SPRR2G: variants seen among roughly 807,000 people sequenced by gnomAD.
SPRR2G encodes small proline-rich protein 2G.
In SPRR2G, 1 loss-of-function variant was observed where a neutral mutation model predicts 0.7. The ratio of observed to expected loss-of-function variants is 1.49; its 90% CI spans 0.53 to 7.06. SPRR2G has a LOEUF of 7.06. Among genes scored for constraint, SPRR2G ranks in the 30% most tolerant of loss-of-function variants. The pLI is 0.14. For missense variants in SPRR2G, 96 were observed against 88.5 expected, an observed-to-expected ratio of 1.09 and a Z score of -0.34; for synonymous variants, 38 against 33.9, an observed-to-expected ratio of 1.12 and a Z score of -0.42.
the SPRR2G span, among the ~76,000 whole-genome samples, chr1:153,197,039 C>T: frequency 7.2e-5 from 11 of 152,246 alleles, no homozygotes; most frequent in Middle Eastern, 3.4e-3. Flanking sequence ...CAGGATCCTT[C>T]CCTACCGTGC....
chr1:153,203,131 G>A, the SPRR2G span, among the ~76,000 whole-genome samples: 10 of 152,140 alleles, frequency 6.6e-5, no homozygotes, highest in Non-Finnish European at 1.2e-4. Flanking sequence ...TTTGAGGGTG[G>A]AAGAGGAGCT....
At chr1:153,158,181 A>AAAGTCC in the SPRR2G span, among the ~76,000 whole-genome samples, 1 of 152,308 alleles carries the variant, frequency 6.6e-6, no homozygotes, top group South Asian at 2.1e-4. Context: ...CATTAACTCA[A>AAAGTCC]AAGTCCAAGT....
chr1:153,149,844 C>G lies in SPRR2G; in HGVS notation c.*45G>C. 1 of 1,608,302 alleles carries G rather than the reference C, an allele frequency of 6.2e-7. No individual in the cohort carries two copies. The highest frequency in any genetic ancestry group is 8.5e-7 in the Non-Finnish European group (1 of 1,175,166). On this transcript the variant is annotated 3_prime_UTR_variant, in exon 2 of 2. Coordinates refer to ENST00000368748, the MANE Select transcript of SPRR2G (RefSeq NM_001014291.4). Reference sequence around the variant, plus strand: ...GATGGAGTCCTGGGAGTAAGAAGAGCCACTGGATCTTGTTGTTTCATGGTC... The same window carrying G: ...GATGGAGTCCTGGGAGTAAGAAGAGGCACTGGATCTTGTTGTTTCATGGTC...
upstream of SPRR2G, among the ~76,000 whole-genome samples, chr1:153,154,779 A>G (rs1401352449): frequency 6.6e-6 from 1 of 152,002 alleles, no homozygotes; most frequent in East Asian, 1.9e-4. Flanking sequence ...GGTTTGTCAA[A>G]TGAGTCATCT....
chr1:153,197,587 G>A, the SPRR2G span, among the ~76,000 whole-genome samples: 1 of 152,170 alleles, frequency 6.6e-6, no homozygotes, highest in African/African-American at 2.4e-5. Flanking sequence ...AAGATGCAAA[G>A]AATAATAAGA....
chr1:153,150,056 G>T lies in SPRR2G; in HGVS notation c.55C>A (p.Pro19Thr). Residue 19 changes from proline to threonine, a missense_variant, in exon 2 of 2, where the codon CCC (proline) becomes ACC (threonine). By Grantham distance (38) the Pro-to-Thr change is conservative. Coordinates refer to ENST00000368748, the MANE Select transcript of SPRR2G (RefSeq NM_001014291.4). ...CATGGCTCTGGGCACTTTGGCGTGG[G>T]GCACACAGGAGGTGGCTGGCAGGGC... ...KQPCQPPPVC[P>T]TPKCPEPCPP... 6.2e-7 allele frequency: 1 copy of T among 1,613,260 alleles called. No individual in the cohort carries two copies. The highest frequency in any genetic ancestry group is 8.5e-7 in the Non-Finnish European group (1 of 1,179,886).
the SPRR2G span, among the ~76,000 whole-genome samples, chr1:153,170,572 C>T: frequency 0.2 from 30,850 of 151,892 alleles, 4,720 homozygotes; most frequent in African/African-American, 0.43. Flanking sequence ...CAGAAGACTA[C>T]TGGGCAAGAG....
chr1:153,188,805 A>G, the SPRR2G span, among the ~76,000 whole-genome samples: 1 of 152,062 alleles, frequency 6.6e-6, no homozygotes, highest in Non-Finnish European at 1.5e-5. Context: ...CTCATGGTGT[A>G]GGCACACGAG....
chr1:153,155,681 C>T (rs1293193851), upstream of SPRR2G, among the ~76,000 whole-genome samples: 3 of 152,178 alleles, frequency 2.0e-5, no homozygotes, highest in Non-Finnish European at 4.4e-5. Flanking sequence ...TAGCCTCATT[C>T]CTTATTACTC....
chr1:153,165,826 C>A, the SPRR2G span, among the ~76,000 whole-genome samples: 1 of 152,168 alleles, frequency 6.6e-6, no homozygotes, highest in Non-Finnish European at 1.5e-5. Flanking sequence ...GTGTATAAAA[C>A]CTTCTTTGAA....
upstream of SPRR2G, among the ~76,000 whole-genome samples, chr1:153,154,576 C>T (rs1656543281): frequency 1.3e-5 from 2 of 152,144 alleles, no homozygotes; most frequent in South Asian, 2.1e-4. Flanking sequence ...ATGATTCAGT[C>T]TCAGTAGGTT....
intron 1 of SPRR2G, among the ~76,000 whole-genome samples, chr1:153,150,380 G>T (rs1571025335): frequency 6.6e-6 from 1 of 152,094 alleles, no homozygotes; most frequent in African/African-American, 2.4e-5. Context: ...AACAAATGTT[G>T]TCTGAATACA....
At chr1:153,193,432 A>G in the SPRR2G span, among the ~76,000 whole-genome samples, 1 of 152,162 alleles carries the variant, frequency 6.6e-6, no homozygotes, top group African/African-American at 2.4e-5. Flanking sequence ...CTGCCCTCAA[A>G]CATGTGCATG....
the SPRR2G span, among the ~76,000 whole-genome samples, chr1:153,181,531 C>A: frequency 6.6e-6 from 1 of 151,970 alleles, no homozygotes; most frequent in Non-Finnish European, 1.5e-5. Flanking sequence ...TATGTTTGTA[C>A]CCATTAACCA....
rs1412167957 is a variant in SPRR2G, at chr1:153,150,104, A to G, written c.7T>C (p.Tyr3His). MS[Y>H]QQQQCKQPCQ... ...GGCTGCTTGCACTGCTGCTGCTGGTAAGACATCTCTCCTCAGTCTCAGAGA... is the reference window on the plus strand; with the variant it reads ...GGCTGCTTGCACTGCTGCTGCTGGTGAGACATCTCTCCTCAGTCTCAGAGA... The change falls in exon 2 of 2, where the codon TAC becomes CAC. Residue 3 changes from tyrosine to histidine, a missense_variant. By Grantham distance (83) the Tyr-to-His change is moderately conservative (BLOSUM62 2). Transcript: ENST00000368748. 4 of 1,612,246 alleles carry G rather than the reference A, an allele frequency of 2.5e-6. No homozygotes were observed. In the Admixed American group the frequency reaches 6.7e-5, roughly 27 times the overall value.
At chr1:153,176,390 C>T in the SPRR2G span, 1 of 152,182 alleles carries the variant, frequency 6.6e-6, no homozygotes, top group Admixed American at 6.6e-5. Context: ...CCTACCCCCA[C>T]CTGTCCAAGG....
At chr1:153,161,611 C>T in the SPRR2G span, among the ~76,000 whole-genome samples, 71,689 of 151,838 alleles carry the variant, frequency 0.47, 17,948 homozygotes, top group Non-Finnish European at 0.57. Flanking sequence ...TATTTCATTG[C>T]CTGTGATTTT....
chr1:153,187,394 G>T, the SPRR2G span, among the ~76,000 whole-genome samples: 4 of 151,956 alleles, frequency 2.6e-5, no homozygotes, highest in South Asian at 8.3e-4. Context: ...GGCTTTGTTT[G>T]TTCCTTTTCA....
the SPRR2G span, among the ~76,000 whole-genome samples, chr1:153,168,708 C>G: frequency 6.6e-6 from 1 of 152,072 alleles, no homozygotes; most frequent in East Asian, 1.9e-4. Flanking sequence ...TAAAAGTATG[C>G]TAAAATACCC....
Sources: gnomAD v4.1 joint callset for allele counts (sites outside exome capture counted in the v4.1 genomes callset) on GRCh38, gnomAD v4.1.1 for gene constraint, MANE v1.5 for transcripts, NCBI Gene and HGNC (gene_info 2026-07-23, HGNC 2026-07-21) for gene names.